The following CTSB variants were observed in gnomAD, a reference collection of about 807,000 sequenced individuals.
CTSB encodes cathepsin B.
Under a neutral mutation model 44.3 loss-of-function variants are expected in CTSB, and 57 were observed. The observed-to-expected ratio is 1.29, with a 90% CI of 1.04 to 1.60. CTSB has a LOEUF of 1.60. Among genes scored for constraint, CTSB ranks in the 40% most tolerant of loss-of-function variants. The pLI, the probability that CTSB is intolerant of heterozygous loss-of-function variation, is 0.00. For missense variants in CTSB, 768 were observed against 443.0 expected (o/e 1.73, Z -6.59); for synonymous variants, 320 against 168.0 (o/e 1.91, Z -7.00).
intron 1 of CTSB, among the ~76,000 whole-genome samples, chr8:11,865,942 A>G (rs1817069429): frequency 6.7e-6 from 1 of 149,918 alleles, no homozygotes; most frequent in Non-Finnish European, 1.5e-5. Context: ...TTGCTTCAAC[A>G]TGAGAGGCGG....
chr8:11,866,034 A>G (rs571032204), intron 1 of CTSB, among the ~76,000 whole-genome samples: 14 of 149,250 alleles, frequency 9.4e-5, no homozygotes, highest in Admixed American at 6.0e-4. Context: ...AAAAAAAAAG[A>G]AAGAAAAAGA....
intron 1 of CTSB, among the ~76,000 whole-genome samples, chr8:11,854,433 A>G (rs1815171681): frequency 6.6e-6 from 1 of 152,182 alleles, no homozygotes; most frequent in East Asian, 1.9e-4. Context: ...TTGCTTAAGC[A>G]ACAATTCATC....
chr8:11,845,974 C>A (rs1056094602), intron 8 of CTSB, among the ~76,000 whole-genome samples, 185 bp from the exon 9 acceptor site: 1 of 152,094 alleles, frequency 6.6e-6, no homozygotes, highest in Admixed American at 6.6e-5. Flanking sequence ...TTTTGAAGGC[C>A]CAACACACTC....
chr8:11,855,927 A>C (rs1042721646), intron 1 of CTSB, among the ~76,000 whole-genome samples: 1 of 152,164 alleles, frequency 6.6e-6, no homozygotes, highest in Non-Finnish European at 1.5e-5. Context: ...CTGAGACAGG[A>C]GAATTGCTTC....
chr8:11,853,511 T>C (rs1235788460), intron 1 of CTSB, 32 bp from the exon 2 acceptor site: 11 of 1,582,160 alleles, frequency 7.0e-6, no homozygotes, highest in Non-Finnish European at 9.5e-6. Flanking sequence ...AGGACACCTC[T>C]CTGTTATGTG....
intron 1 of CTSB, among the ~76,000 whole-genome samples, chr8:11,856,873 T>C (rs889992253): frequency 7.9e-5 from 12 of 151,618 alleles, no homozygotes; most frequent in African/African-American, 2.9e-4. Context: ...AAAAAGTGAG[T>C]ATGTTCCTAT....
rs560060430 is a variant in CTSB, at chr8:11,848,416, C to T, written c.447-264G>A. 281 of 600,746 alleles carry T rather than the reference C, an allele frequency of 4.7e-4. 1 individual carries two copies. Among genetic ancestry groups the T allele is most frequent in the South Asian group, 2.0e-3 (130 of 63,512 alleles). 37.2% of individuals were successfully genotyped at this position (600,746 alleles called of 1,614,324 possible). ...CTCTCCTGTTCATGTCCATACCAGA[C>T]CAGGCTACGAGTGCCCTTCCGGGTA... is the stretch of plus-strand genomic sequence containing the variant. On this transcript the variant is annotated intron_variant, in intron 5 of 9. Coordinates refer to ENST00000353047, the MANE Select transcript of CTSB (RefSeq NM_001908.5).
intron 1 of CTSB, among the ~76,000 whole-genome samples, chr8:11,858,260 C>A (rs2150431531): frequency 6.6e-6 from 1 of 152,322 alleles, no homozygotes; most frequent in African/African-American, 2.4e-5. Context: ...CAATAGGTCC[C>A]CAACGCCAGG....
Position 11,847,103 on chromosome 8 carries a change from G to C in CTSB, c.742C>G (p.Pro248Ala), listed in dbSNP as rs1563384322. The C allele has an allele frequency of 6.2e-7, 1 of 1,613,714 alleles. No homozygotes were observed. Among genetic ancestry groups the C allele is most frequent in the African/African-American group, 1.3e-5 (1 of 74,932 alleles). Reference protein sequence around the residue: ...DIMAEIYKNGPVEGAFSVYSD... With the variant: ...DIMAEIYKNGAVEGAFSVYSD... ...TACACAGAGAAAGCTCCCTCCACGG[G>C]GCCGTTTTTGTAGATCTCGGCCATG... Residue 248 changes from proline to alanine, a missense_variant, in exon 8 of 10, where the codon CCC becomes GCC. Physicochemically the swap from Pro to Ala is conservative, Grantham distance 27 (BLOSUM62 -1). Coordinates refer to ENST00000353047, the MANE Select transcript of CTSB (RefSeq NM_001908.5).
intron 1 of CTSB, among the ~76,000 whole-genome samples, chr8:11,859,094 A>T (rs1815973499): frequency 6.6e-6 from 1 of 152,148 alleles, no homozygotes; most frequent in African/African-American, 2.4e-5. Context: ...CCTGAGTTCC[A>T]GTGCACCCCT....
Position 11,847,269 on chromosome 8 carries a change from G to A in CTSB, c.677-101C>T, listed in dbSNP as rs530484167. Reference sequence around the variant, plus strand: ...TGATTTCTGGTGGCCTCCAGGGGAAGACTGCATCTAAGGGGACTTGCCCTG... The same window carrying A: ...TGATTTCTGGTGGCCTCCAGGGGAAAACTGCATCTAAGGGGACTTGCCCTG... On this transcript the variant is annotated intron_variant, in intron 7 of 9. Transcript: ENST00000353047. The A allele has an allele frequency of 3.5e-4, 275 of 776,408 alleles. 1 individual carries two copies. The African/African-American group carries it at 4.2e-3, about 12-fold the overall frequency. 48.1% of individuals were successfully genotyped at this position (776,408 alleles called of 1,614,324 possible). A position where few individuals can be genotyped will look rare whatever the true frequency, so the allele number is the denominator to read the frequency against.
Position 11,845,204 on chromosome 8 carries a change from C to CT in CTSB, c.940dup (p.Arg314LysfsTer43), listed in dbSNP as rs2130976302. The CT allele has an allele frequency of 4.3e-6, 7 of 1,613,560 alleles. No individual in the cohort carries two copies. The East Asian group carries it at 1.1e-4, about 26-fold the overall frequency. Reference sequence around the variant, plus strand: ...TTCGATTCCACAGTGATCCTGTCCTCTGAGTATTTTAAAGAAGCCTGGGAA... The same window carrying CT: ...TTCGATTCCACAGTGATCCTGTCCTCTTGAGTATTTTAAAGAAGCCTGGGAA... On this transcript the variant is annotated frameshift_variant, in exon 10 of 10. Coordinates refer to ENST00000353047, the MANE Select transcript of CTSB (RefSeq NM_001908.5). LOFTEE classifies it high-confidence loss of function.
chr8:11,848,948 C>A (rs747785371), intron 5 of CTSB, 98 bp downstream of exon 5: 4 of 827,206 alleles, frequency 4.8e-6, no homozygotes, highest in African/African-American at 1.7e-5. Context: ...TTCTGACTCG[C>A]AGCAGTCCCA....
At chr8:11,845,287 C>T (rs544317181) in intron 9 of CTSB, 65 bp from the exon 10 acceptor site, 276 of 1,195,326 alleles carry the variant, frequency 2.3e-4, no homozygotes, top group Non-Finnish European at 3.0e-4. Context: ...TCAGACTCAT[C>T]CTTAAAAGAC....
At chr8:11,855,821 C>T (rs1815413196) in intron 1 of CTSB, among the ~76,000 whole-genome samples, 1 of 152,048 alleles carries the variant, frequency 6.6e-6, no homozygotes, top group Non-Finnish European at 1.5e-5. Context: ...AGTTTGAGAC[C>T]AGCCTGGCCA....
chr8:11,847,448 G>A (rs1046646560), intron 7 of CTSB, among the ~76,000 whole-genome samples: 3 of 152,204 alleles, frequency 2.0e-5, no homozygotes, highest in Non-Finnish European at 2.9e-5. Context: ...GTAAAAGGAG[G>A]GCTTTGGTCC....
Position 11,847,725 on chromosome 8 carries a change from G to A in CTSB, c.630C>T (p.Ile210=), listed in dbSNP as rs749729863. The A allele has an allele frequency of 4.4e-6, 7 of 1,598,010 alleles. No homozygotes were observed. The African/African-American group carries it at 5.4e-5, about 12-fold the overall frequency. Reference sequence around the variant, plus strand: ...AGGTCGGGCTGTAGCCAGGCTCACAGATCTTGCTACACTTGGGGGTATCTC... The same window carrying A: ...AGGTCGGGCTGTAGCCAGGCTCACAAATCTTGCTACACTTGGGGGTATCTC... ...GEGDTPKCSK[I]CEPGYSPTYK... Residue 210 remains isoleucine, a synonymous_variant, in exon 7 of 10, where the codon ATC becomes ATT. Transcript: ENST00000353047.
rs578134561 is a variant in CTSB, at chr8:11,847,640, G to A, written c.676+39C>T. On this transcript the variant is annotated intron_variant, in intron 7 of 9. Coordinates refer to ENST00000353047, the MANE Select transcript of CTSB (RefSeq NM_001908.5). Reference sequence around the variant, plus strand: ...TGAGGAGGGATGCAGCAGCTCCCCAGCCTCCACGTGCGCCGTGGCCAGGCC... The same window carrying A: ...TGAGGAGGGATGCAGCAGCTCCCCAACCTCCACGTGCGCCGTGGCCAGGCC... 1.5e-4 allele frequency: 225 copies of A among 1,501,138 alleles called. 4 individuals carry two copies. The South Asian group carries it at 3.1e-3, about 20-fold the overall frequency. 93.0% of individuals were successfully genotyped at this position (1,501,138 alleles called of 1,614,324 possible).
In CTSB at chr8:11,842,870, C is replaced by T. The variant is rs1258332731; in HGVS notation, c.*2255G>A. 1 of 150,624 alleles carries T rather than the reference C, an allele frequency of 6.6e-6. No homozygotes were observed. Among genetic ancestry groups the T allele is most frequent in the African/African-American group, 2.5e-5 (1 of 40,788 alleles). 9.3% of individuals were successfully genotyped at this position (150,624 alleles called of 1,614,324 possible). On this transcript the variant is annotated 3_prime_UTR_variant, in exon 10 of 10. Coordinates refer to ENST00000353047, the MANE Select transcript of CTSB (RefSeq NM_001908.5). ...AGGCTGATCTCAAAACTCCTGACCT[C>T]AGGTGATCTGCCCGCCTCAGCCTCC...
Sources: allele counts gnomAD v4.1 joint callset (sites outside exome capture counted in the v4.1 genomes callset), GRCh38; gene constraint gnomAD v4.1.1; transcripts MANE v1.5; gene names NCBI Gene and HGNC (gene_info 2026-07-23, HGNC 2026-07-21).